The following RERE variants were observed in gnomAD, a reference collection of about 807,000 sequenced individuals.
The protein encoded by RERE is arginine-glutamic acid dipeptide repeats protein.
RERE carries 40 observed loss-of-function variants against 146.1 expected under a neutral mutation model. That is an observed-to-expected ratio of 0.27 (90% confidence interval 0.21 to 0.36). The LOEUF (loss-of-function observed/expected upper bound fraction) is 0.36. RERE is among the 10% of genes least tolerant of loss of function. The probability of loss-of-function intolerance (pLI) is 1.00; values close to 1 mark genes in which losing one functional copy is unlikely to be tolerated. For synonymous variants in RERE, 1,003 were observed against 866.0 expected (o/e 1.16, Z -2.78); for missense variants, 1,933 against 2,138.7 (o/e 0.90, Z 1.90).
intron 1 of RERE, among the ~76,000 whole-genome samples, chr1:8,677,747 T>C (rs776313399): frequency 6.6e-6 from 1 of 152,178 alleles, no homozygotes; most frequent in Non-Finnish European, 1.5e-5. Context: ...GATAATAATA[T>C]GACGTATCTC....
At chr1:8,593,898 G>A (rs1570481356) in intron 4 of RERE, among the ~76,000 whole-genome samples, 1 of 152,076 alleles carries the variant, frequency 6.6e-6, no homozygotes, top group Non-Finnish European at 1.5e-5. Flanking sequence ...ACCATGCACC[G>A]GGGCAGACAG....
intron 7 of RERE, chr1:8,511,885 C>A (rs1645341121): frequency 6.6e-6 from 1 of 151,874 alleles, no homozygotes; most frequent in South Asian, 2.1e-4. Flanking sequence ...AAAAGCACCC[C>A]CATGAGGCTG....
intron 7 of RERE, among the ~76,000 whole-genome samples, chr1:8,538,028 C>G (rs1178455755): frequency 6.6e-6 from 1 of 152,160 alleles, no homozygotes; most frequent in African/African-American, 2.4e-5. Flanking sequence ...GAGAAATAAA[C>G]AGTTCCATCT....
At position 8,355,595 on chromosome 1, in the gene RERE, G is replaced by T. The variant is rs771893772; in HGVS notation, c.4491C>A (p.Thr1497=). The T allele has an allele frequency of 1.0e-5, 16 of 1,572,470 alleles. No homozygotes were observed. Among genetic ancestry groups the T allele is most frequent in the Non-Finnish European group, 1.1e-5 (13 of 1,156,416 alleles). The change falls in exon 22 of 23, where the codon ACC becomes ACA. Residue 1497 remains threonine, a synonymous_variant. Transcript: ENST00000400908. ...CCCCAGGCAGGTCACGGGGGTAGGG[G>T]GTGCCTGCCGAACACAAAACAACCT... ...HEMLRHPVFG[T]PYPRDLPGAI...
intron 1 of RERE, among the ~76,000 whole-genome samples, chr1:8,704,059 C>T (rs1382357801): frequency 6.6e-6 from 1 of 152,174 alleles, no homozygotes. Flanking sequence ...ACATTCCTTA[C>T]CATGTGGCTT....
chr1:8,354,016 C>A lies in RERE; in HGVS notation c.*1071G>T, dbSNP rs1019607291. On this transcript the variant is annotated 3_prime_UTR_variant, in exon 23 of 23. Transcript: ENST00000400908. The stretch of plus-strand genomic sequence containing the variant: ...GTGTGCTGAGTTATTTGTATGGAAT[C>A]ATTTTCTTAGATGATGAAATTTTCG... The A allele has an allele frequency of 1.8e-4, 28 of 152,678 alleles. No homozygotes were observed. The highest frequency in any genetic ancestry group is 9.1e-4 in the Admixed American group (14 of 15,304). The allele number at this position is 152,678 out of a possible 1,614,324, so 9.5% of individuals were successfully genotyped here. A position where few individuals can be genotyped will look rare whatever the true frequency, so the allele number is the denominator to read the frequency against.
At chr1:8,509,702 A>G (rs1243149250) in intron 7 of RERE, among the ~76,000 whole-genome samples, 2 of 152,096 alleles carry the variant, frequency 1.3e-5, no homozygotes, top group Non-Finnish European at 2.9e-5. Context: ...CAGTTACTCA[A>G]GAGGATCGCT....
At chr1:8,799,827 T>C (rs1035482181) in intron 1 of RERE, among the ~76,000 whole-genome samples, 1 of 151,956 alleles carries the variant, frequency 6.6e-6, no homozygotes, top group African/African-American at 2.4e-5. Context: ...TTTGCTTTTT[T>C]TTAAGATGGA....
In RERE at chr1:8,360,284, C is replaced by T; in HGVS notation, c.3223G>A (p.Ala1075Thr). 6 of 1,561,518 alleles carry T rather than the reference C, an allele frequency of 3.8e-6. No homozygotes were observed. Among genetic ancestry groups the T allele is most frequent in the Non-Finnish European group, 5.2e-6 (6 of 1,153,832 alleles). The change falls in exon 18 of 23, where the codon GCT (alanine) becomes ACT (threonine). Residue 1075 changes from alanine to threonine, a missense_variant. This residue lies in a region of RERE where 1,255 missense variants were observed against 1,153.8 expected (regional missense o/e 1.09). Transcript: ENST00000400908. ...SAQPPCSGAA[A>T]SGGSIAGGSS... is the part of the protein sequence containing the mutation. ...CCCCCCGCTATGCTGCCTCCTGAAG[C>T]CGCCGCACCAGAGCAGGGTGGCTGG...
Position 8,706,438 on chromosome 1 carries a change from A to G in RERE, c.-144-49997T>C, listed in dbSNP as rs144400325. Among the ~76,000 whole-genome samples, 393 of 152,348 alleles carry G rather than the reference A, an allele frequency of 2.6e-3. 1 individual carries two copies. The highest frequency in any genetic ancestry group is 5.0e-3 in the Non-Finnish European group (338 of 68,032). On this transcript the variant is annotated intron_variant, in intron 1 of 22. Transcript: ENST00000400908. ...AGCTACACTTTTTAAGAGTTAATGA[A>G]GTATAGAAGCCATCGCTAGTTTATT...
chr1:8,558,621 T>C (rs1009592801), intron 4 of RERE, among the ~76,000 whole-genome samples: 1 of 152,150 alleles, frequency 6.6e-6, no homozygotes, highest in Non-Finnish European at 1.5e-5. Context: ...AGGAAGATGC[T>C]TCCTGCTTTA....
chr1:8,574,201 G>C (rs1231552024), intron 4 of RERE, among the ~76,000 whole-genome samples: 1 of 152,110 alleles, frequency 6.6e-6, no homozygotes, highest in African/African-American at 2.4e-5. Context: ...GAAGAATCTG[G>C]GTTCCTTCTA....
In RERE at chr1:8,539,487, C is replaced by T. The variant is rs374973756; in HGVS notation, c.830+1727G>A. 2.2e-4 allele frequency among the ~76,000 whole-genome samples: 34 copies of T among 152,148 alleles called. 3 individuals carry two copies. In the East Asian group the frequency reaches 3.1e-3, roughly 14 times the overall value. ...GTGGGGCAATCTCGGCTTACTGCAA[C>T]CTCCGCCTCCCGGGTTAAAGCAATT... On this transcript the variant is annotated intron_variant, in intron 7 of 22. Coordinates refer to ENST00000400908, the MANE Select transcript of RERE (RefSeq NM_001042681.2).
At chr1:8,396,117 G>A (rs1474001987) in intron 12 of RERE, among the ~76,000 whole-genome samples, 1 of 152,180 alleles carries the variant, frequency 6.6e-6, no homozygotes, top group East Asian at 1.9e-4. Flanking sequence ...AGAAGGCACA[G>A]AACAACTGAG....
intron 1 of RERE, among the ~76,000 whole-genome samples, chr1:8,699,750 T>C (rs1331941381): frequency 6.6e-6 from 1 of 152,174 alleles, no homozygotes; most frequent in Non-Finnish European, 1.5e-5. Context: ...TTCTAGAAAA[T>C]ACTGCACTCT....
At chr1:8,512,958 C>G (rs1645361691) in intron 7 of RERE, 1 of 152,316 alleles carries the variant, frequency 6.6e-6, no homozygotes, top group South Asian at 2.1e-4. Context: ...TCGGCGACTA[C>G]CAGACCAACC....
At chr1:8,424,170 C>A (rs1643972692) in intron 11 of RERE, 1 of 152,194 alleles carries the variant, frequency 6.6e-6, no homozygotes, top group Non-Finnish European at 1.5e-5. Flanking sequence ...GGGCTGGCCC[C>A]GACGCCCCCC....
At chr1:8,506,655 T>C (rs1645253478) in intron 8 of RERE, among the ~76,000 whole-genome samples, 1 of 152,348 alleles carries the variant, frequency 6.6e-6, no homozygotes, top group East Asian at 1.9e-4. Flanking sequence ...CATGTTAAAC[T>C]CTTTCCTCAT....
intron 1 of RERE, among the ~76,000 whole-genome samples, chr1:8,706,708 G>T (rs1399516787): frequency 6.6e-6 from 1 of 152,096 alleles, no homozygotes. Flanking sequence ...TTTATTTTCA[G>T]GTTTTTTTCT....
Sources: gnomAD v4.1 joint callset for allele counts (sites outside exome capture counted in the v4.1 genomes callset) on GRCh38, gnomAD v4.1.1 for gene constraint, gnomAD v4.1.1 regional missense constraint, MANE v1.5 for transcripts, NCBI Gene and HGNC (gene_info 2026-07-23, HGNC 2026-07-21) for gene names.